BTBD8: variants seen among roughly 807,000 people sequenced by gnomAD.
BTBD8 encodes the protein BTB domain containing 8, also known as BTB/POZ domain-containing protein 8.
BTBD8 carries 110 observed loss-of-function variants against 162.9 expected under a neutral mutation model. The observed-to-expected ratio is 0.68, with a 90% CI of 0.58 to 0.79. The LOEUF is 0.79. Among genes scored for constraint, BTBD8 ranks in the 30% least tolerant of loss-of-function variants. BTBD8 has a pLI of 0.00. For synonymous variants in BTBD8, 667 were observed against 716.1 expected (o/e 0.93, Z 1.10); for missense variants, 1,905 against 2,085.4 (o/e 0.91, Z 1.68).
rs1273079375 is a variant in BTBD8, at chr1:92,166,998, G to A, written c.1163G>A (p.Arg388Lys). 12 of 1,549,942 alleles carry A rather than the reference G, an allele frequency of 7.7e-6. No individual in the cohort carries two copies. Among genetic ancestry groups the A allele is most frequent in the African/African-American group, 1.4e-5 (1 of 72,968 alleles). Reference protein sequence around the residue: ...NAAFLLMESDRLIISLPRVKW... With the variant: ...NAAFLLMESDKLIISLPRVKW... Reference sequence around the variant, plus strand: ...GCTTTTCTTCTGATGGAAAGTGACAGGCTAATCATCAGTTTACCCAGAGTG... The same window carrying A: ...GCTTTTCTTCTGATGGAAAGTGACAAGCTAATCATCAGTTTACCCAGAGTG... The change falls in exon 10 of 18, where the codon AGG becomes AAG. Residue 388 changes from arginine (R) to lysine (K), a missense_variant. Around this residue, in one of 3 missense-constraint regions of BTBD8, gnomAD observed 1,374 missense variants for 1,442.7 expected, o/e 0.95. Transcript: ENST00000636805.
intron 9 of BTBD8, among the ~76,000 whole-genome samples, chr1:92,158,450 A>G (rs892728538): frequency 6.6e-6 from 1 of 152,130 alleles, no homozygotes; most frequent in African/African-American, 2.4e-5. Context: ...CATAGATATA[A>G]CAGTCTATTT....
intron 9 of BTBD8, among the ~76,000 whole-genome samples, chr1:92,152,011 A>G (rs897358160): frequency 6.6e-6 from 1 of 152,170 alleles, no homozygotes; most frequent in Non-Finnish European, 1.5e-5. Flanking sequence ...GAAATTTAGC[A>G]TAAGACAGGT....
At chr1:92,183,814 G>C in intron 17 of BTBD8, 50 bp from the exon 18 acceptor site, 4 of 1,254,542 alleles carry the variant, frequency 3.2e-6, no homozygotes, top group Non-Finnish European at 4.4e-6. Flanking sequence ...AAAACTCTGA[G>C]GGTACCAACG....
chr1:92,139,580 A>C (rs957516985), intron 6 of BTBD8, 150 bp downstream of exon 6: 12 of 1,290,472 alleles, frequency 9.3e-6, no homozygotes, highest in Non-Finnish European at 1.1e-5. Context: ...TCTAAAAACA[A>C]TAAGCAAATC....
intron 7 of BTBD8, among the ~76,000 whole-genome samples, chr1:92,143,658 G>A (rs1349461708): frequency 1.3e-5 from 2 of 151,750 alleles, no homozygotes; most frequent in South Asian, 2.1e-4. Flanking sequence ...GTACAGGAGC[G>A]TGCCACCATG....
rs566312369 is a variant in BTBD8, at chr1:92,125,091, G to A, written c.663-4596G>A. Among the ~76,000 whole-genome samples the A allele has an allele frequency of 2.0e-5, 3 of 152,024 alleles. No homozygotes were observed. The East Asian group carries it at 5.8e-4, about 29-fold the overall frequency. On this transcript the variant is annotated intron_variant, in intron 4 of 17. Transcript: ENST00000636805. Reference sequence around the variant, plus strand: ...ATCTTTGGTCTTTGTTTCTCCATTTGTAAATGATTTATTCCTCTTACTCAT... The same window carrying A: ...ATCTTTGGTCTTTGTTTCTCCATTTATAAATGATTTATTCCTCTTACTCAT...
At chr1:92,096,626 C>T (rs1026345245) in intron 2 of BTBD8, among the ~76,000 whole-genome samples, 1 of 151,020 alleles carries the variant, frequency 6.6e-6, no homozygotes, top group African/African-American at 2.4e-5. Context: ...TCATAGCTCA[C>T]TGTAACCTTG....
At chr1:92,094,306 C>T (rs1648393183) in intron 2 of BTBD8, among the ~76,000 whole-genome samples, 1 of 152,196 alleles carries the variant, frequency 6.6e-6, no homozygotes, top group African/African-American at 2.4e-5. Flanking sequence ...ATATAGAAAG[C>T]ACTTGTGACG....
chr1:92,139,203 C>A, intron 5 of BTBD8, 147 bp from the exon 6 acceptor site: 1 of 741,570 alleles, frequency 1.3e-6, no homozygotes, highest in South Asian at 2.5e-5. Context: ...AATGGTATAC[C>A]TGCATGGATG....
intron 5 of BTBD8, among the ~76,000 whole-genome samples, chr1:92,135,266 A>T (rs1323052300): frequency 6.6e-6 from 1 of 151,686 alleles, no homozygotes; most frequent in Non-Finnish European, 1.5e-5. Context: ...GCTCACTGCA[A>T]TCTCCACTTC....
chr1:92,146,324 C>T lies in BTBD8; in HGVS notation c.931-856C>T, dbSNP rs1649918435. On this transcript the variant is annotated intron_variant, in intron 7 of 17. Coordinates refer to ENST00000636805, the MANE Select transcript of BTBD8 (RefSeq NM_001376131.1). ...AAAACTTAGAGCATTTTTAGTTTCA[C>T]AGCAAAATTGAGAGGAAGGTACAGA... Among the ~76,000 whole-genome samples the T allele has an allele frequency of 1.3e-5, 2 of 152,200 alleles. 1 individual carries two copies. Among genetic ancestry groups the T allele is most frequent in the Middle Eastern group, 6.8e-3 (2 of 294 alleles).
intron 5 of BTBD8, among the ~76,000 whole-genome samples, chr1:92,135,857 A>G (rs911427857): frequency 7.2e-5 from 11 of 152,180 alleles, no homozygotes; most frequent in African/African-American, 2.7e-4. Context: ...AGAAACTATT[A>G]TTTCAACATA....
Position 92,181,000 on chromosome 1 carries a change from C to T in BTBD8, c.3317C>T (p.Pro1106Leu). 1 of 1,551,784 alleles carries T rather than the reference C, an allele frequency of 6.4e-7. No homozygotes were observed. The highest frequency in any genetic ancestry group is 8.7e-7 in the Non-Finnish European group (1 of 1,147,020). Residue 1106 changes from proline to leucine, a missense_variant, in exon 17 of 18, where the codon CCA (proline) becomes CTA (leucine). By Grantham distance (98) the Pro-to-Leu change is moderately conservative. This residue lies in a region of BTBD8 where 1,374 missense variants were observed against 1,442.7 expected (regional missense o/e 0.95). Transcript: ENST00000636805. ...AATGAAAACTCCTTGAACTCTAATCCAGTTTGTGATTTAGACTCAACAAGT... is the reference window on the plus strand; with the variant it reads ...AATGAAAACTCCTTGAACTCTAATCTAGTTTGTGATTTAGACTCAACAAGT... ...NPNENSLNSN[P>L]VCDLDSTSAG...
At chr1:92,091,001 G>T (rs1040599505) in intron 2 of BTBD8, among the ~76,000 whole-genome samples, 1 of 152,226 alleles carries the variant, frequency 6.6e-6, no homozygotes, top group African/African-American at 2.4e-5. Flanking sequence ...CTTCTGGTGT[G>T]ATGGCTAAGA....
At chr1:92,135,980 A>G (rs1649623736) in intron 5 of BTBD8, among the ~76,000 whole-genome samples, 1 of 152,220 alleles carries the variant, frequency 6.6e-6, no homozygotes, top group African/African-American at 2.4e-5. Context: ...AACTACAGAT[A>G]ATATGCTTAA....
intron 16 of BTBD8, among the ~76,000 whole-genome samples, chr1:92,178,866 A>G (rs1650800701): frequency 6.6e-6 from 1 of 152,168 alleles, no homozygotes; most frequent in East Asian, 1.9e-4. Flanking sequence ...TGGTCCTTTT[A>G]AATATTATGC....
Position 92,169,603 on chromosome 1 carries a change from G to T in BTBD8, c.1573+608G>T, listed in dbSNP as rs1048364327. On this transcript the variant is annotated intron_variant, in intron 12 of 17. Transcript: ENST00000636805. ...AAAAATATCAAAATAAAAATTTGAG[G>T]GTGTGGAACTGAAAATGTCTTCATG... is the stretch of plus-strand genomic sequence containing the variant. Among the ~76,000 whole-genome samples, 3 of 152,094 alleles carry T rather than the reference G, an allele frequency of 2.0e-5. No homozygotes were observed. The South Asian group carries it at 6.2e-4, about 32-fold the overall frequency.
At chr1:92,114,761 T>TTCC (rs1407215930) in intron 4 of BTBD8, 3 of 209,372 alleles carry the variant, frequency 1.4e-5, no homozygotes, top group African/African-American at 7.1e-5. Context: ...CACTTCTCTC[T>TTCC]TCCTCTCATG....
At chr1:92,092,575 CTGT>C (rs1192279576) in intron 2 of BTBD8, among the ~76,000 whole-genome samples, 1 of 152,130 alleles carries the variant, frequency 6.6e-6, no homozygotes, top group Non-Finnish European at 1.5e-5. Flanking sequence ...AAATACATTT[CTGT>C]TGTTTAAGCT....
Sources: allele counts gnomAD v4.1 joint callset (sites outside exome capture counted in the v4.1 genomes callset), GRCh38; gene constraint gnomAD v4.1.1; regional missense constraint gnomAD v4.1.1; transcripts MANE v1.5; gene names NCBI Gene and HGNC (gene_info 2026-07-23, HGNC 2026-07-21).